The following CDC123 variants were observed in gnomAD, a reference collection of about 807,000 sequenced individuals.
The protein encoded by CDC123 is cell division cycle 123, also known as translation initiation factor eIF2 assembly protein.
In CDC123, 37 loss-of-function variants were observed where a neutral mutation model predicts 54.4. The observed-to-expected ratio is 0.68, with a 90% CI of 0.52 to 0.89. The LOEUF is 0.89. CDC123 is among the 40% of genes least tolerant of loss of function. The pLI is 0.00. For missense variants in CDC123, 361 were observed against 412.1 expected (o/e 0.88, Z 1.07); for synonymous variants, 144 against 136.8 (o/e 1.05, Z -0.37).
chr10:12,223,285 T>C (rs1054374542), intron 6 of CDC123, among the ~76,000 whole-genome samples: 1 of 151,684 alleles, frequency 6.6e-6, no homozygotes, highest in African/African-American at 2.4e-5. Context: ...GTATTTTATT[T>C]TATTTTTATT....
At chr10:12,218,230 T>G (rs1313069321) in intron 6 of CDC123, among the ~76,000 whole-genome samples, 1 of 151,244 alleles carries the variant, frequency 6.6e-6, no homozygotes, top group Non-Finnish European at 1.5e-5. Context: ...TCCTATAGTT[T>G]GTATTTCTTT....
chr10:12,201,168 T>G (rs1835434688), intron 2 of CDC123, among the ~76,000 whole-genome samples: 1 of 152,242 alleles, frequency 6.6e-6, no homozygotes, highest in Non-Finnish European at 1.5e-5. Context: ...CAAATGACAG[T>G]ATAGAACTTA....
chr10:12,235,467 C>T (rs773645477), intron 8 of CDC123, among the ~76,000 whole-genome samples: 14 of 152,128 alleles, frequency 9.2e-5, no homozygotes, highest in Non-Finnish European at 1.8e-4. Flanking sequence ...TTATTTCAAG[C>T]GTCATAAAAA....
chr10:12,201,246 T>C (rs1835435726), intron 2 of CDC123, among the ~76,000 whole-genome samples: 1 of 152,218 alleles, frequency 6.6e-6, no homozygotes, highest in African/African-American at 2.4e-5. Flanking sequence ...GCCCACTATA[T>C]TGTATGCTCT....
intron 2 of CDC123, among the ~76,000 whole-genome samples, chr10:12,199,604 G>T (rs1835412185): frequency 6.6e-6 from 1 of 152,290 alleles, no homozygotes; most frequent in East Asian, 1.9e-4. Context: ...AGTAAGAATT[G>T]TGTGTTTTCA....
intron 10 of CDC123, among the ~76,000 whole-genome samples, chr10:12,243,154 T>C (rs1454376991): frequency 2.0e-5 from 3 of 151,984 alleles, no homozygotes; most frequent in Non-Finnish European, 4.4e-5. Context: ...ATCTCAGCAC[T>C]TTGGGAGGCC....
Position 12,206,717 on chromosome 10 carries a change from A to G in CDC123, c.147-3250A>G, listed in dbSNP as rs542791715. On this transcript the variant is annotated intron_variant, in intron 2 of 12. Transcript: ENST00000281141. ...CTTATGCCTGTAATCCCAGTGCTTT[A>G]GGAGGCCAAGGAGGGCGGATCACAA... Among the ~76,000 whole-genome samples, 476 of 152,260 alleles carry G rather than the reference A, an allele frequency of 3.1e-3. 1 individual carries two copies. Among genetic ancestry groups the G allele is most frequent in the Non-Finnish European group, 5.5e-3 (371 of 68,016 alleles).
intron 1 of CDC123, among the ~76,000 whole-genome samples, chr10:12,196,870 T>C (rs1435979625): frequency 6.6e-6 from 1 of 152,232 alleles, no homozygotes; most frequent in Non-Finnish European, 1.5e-5. Context: ...TTCCACAGTG[T>C]ATATATACTT....
intron 2 of CDC123, among the ~76,000 whole-genome samples, chr10:12,199,887 A>G (rs1487721007): frequency 2.0e-5 from 3 of 151,980 alleles, no homozygotes; most frequent in Non-Finnish European, 4.4e-5. Flanking sequence ...CAGTGGCGTG[A>G]TCTCAGCTCA....
chr10:12,216,885 C>T (rs79403156), intron 5 of CDC123, among the ~76,000 whole-genome samples: 2,340 of 152,290 alleles, frequency 0.015, 57 homozygotes, highest in African/African-American at 0.052. Flanking sequence ...TAGCTCACCT[C>T]CTTCTCTTTC....
intron 11 of CDC123, chr10:12,247,141 T>A (rs1250680015): frequency 2.3e-5 from 1 of 44,048 alleles, no homozygotes; most frequent in African/African-American, 6.8e-5. Flanking sequence ...CTCCTCTCTC[T>A]CACCTCCCCC....
At chr10:12,240,609 C>G (rs1836044006) in intron 10 of CDC123, among the ~76,000 whole-genome samples, 1 of 152,170 alleles carries the variant, frequency 6.6e-6, no homozygotes, top group African/African-American at 2.4e-5. Context: ...TGTTGTGGCT[C>G]ACGCCTGTAT....
chr10:12,217,769 C>T (rs935803286), intron 6 of CDC123, among the ~76,000 whole-genome samples: 2 of 152,102 alleles, frequency 1.3e-5, no homozygotes, highest in Admixed American at 6.5e-5. Context: ...TTAGGGATTA[C>T]AGCTAAATAA....
chr10:12,205,210 A>G (rs758572790), intron 2 of CDC123, among the ~76,000 whole-genome samples: 1 of 152,156 alleles, frequency 6.6e-6, no homozygotes, highest in Non-Finnish European at 1.5e-5. Context: ...ACTTAACATA[A>G]TGATCTCCAG....
intron 10 of CDC123, chr10:12,245,514 C>T (rs1180489801): frequency 6.6e-6 from 1 of 152,236 alleles, no homozygotes; most frequent in Admixed American, 6.6e-5. Flanking sequence ...GCCTCAGCCT[C>T]CCAAAGTGCT....
intron 6 of CDC123, among the ~76,000 whole-genome samples, chr10:12,229,216 T>C (rs1186942158): frequency 6.6e-6 from 1 of 152,240 alleles, no homozygotes; most frequent in African/African-American, 2.4e-5. Context: ...GTGATATAGA[T>C]GCGTTTTTTA....
chr10:12,197,582 T>A (rs1484365019), intron 1 of CDC123, among the ~76,000 whole-genome samples: 1 of 151,868 alleles, frequency 6.6e-6, no homozygotes, highest in Non-Finnish European at 1.5e-5. Context: ...TTTCACCGTG[T>A]TAGCCAGGAT....
intron 6 of CDC123, among the ~76,000 whole-genome samples, chr10:12,221,818 C>T (rs1183669799): frequency 6.7e-6 from 1 of 149,010 alleles, no homozygotes; most frequent in Non-Finnish European, 1.5e-5. Flanking sequence ...TTTAGCTCAT[C>T]AGCTATCATT....
chr10:12,241,409 T>C (rs1391856266), intron 10 of CDC123, among the ~76,000 whole-genome samples: 2 of 152,222 alleles, frequency 1.3e-5, no homozygotes, highest in East Asian at 3.8e-4. Context: ...CCATGGTTTT[T>C]GTCCAGTTCT....
Sources: allele counts gnomAD v4.1 joint callset (sites outside exome capture counted in the v4.1 genomes callset), GRCh38; gene constraint gnomAD v4.1.1; transcripts MANE v1.5; gene names NCBI Gene and HGNC (gene_info 2026-07-23, HGNC 2026-07-21).